The following GALNTL6 variants were observed in gnomAD, a reference collection of about 807,000 sequenced individuals.
The protein encoded by GALNTL6 is polypeptide N-acetylgalactosaminyltransferase-like 6.
In GALNTL6, 46 loss-of-function variants were observed where a neutral mutation model predicts 73.7. That is an observed-to-expected ratio of 0.62 (90% CI 0.49 to 0.80). The LOEUF is 0.80. Among genes scored for constraint, GALNTL6 ranks in the 30% least tolerant of loss-of-function variants. GALNTL6 has a pLI of 0.00. For missense variants in GALNTL6, 604 were observed against 755.0 expected (o/e 0.80, Z 2.34); for synonymous variants, 259 against 263.7 (o/e 0.98, Z 0.17).
intron 5 of GALNTL6, among the ~76,000 whole-genome samples, chr4:172,355,138 T>C (rs1243178284): frequency 6.6e-6 from 1 of 152,094 alleles, no homozygotes; most frequent in African/African-American, 2.4e-5. Context: ...ATGAGGGCAT[T>C]GGTAGTCAGA....
intron 9 of GALNTL6, among the ~76,000 whole-genome samples, chr4:172,939,668 C>T (rs374635534): frequency 6.8e-4 from 103 of 152,288 alleles, no homozygotes; most frequent in African/African-American, 1.9e-3. Flanking sequence ...TGTGATGTAA[C>T]GTCACCTCAC....
chr4:172,233,117 C>G (rs1474434998), intron 3 of GALNTL6, among the ~76,000 whole-genome samples: 3 of 151,476 alleles, frequency 2.0e-5, no homozygotes, highest in African/African-American at 7.3e-5. Flanking sequence ...ATCTGCAATC[C>G]CAGCACACCG....
intron 5 of GALNTL6, among the ~76,000 whole-genome samples, chr4:172,619,947 A>G (rs1202836694): frequency 6.6e-6 from 1 of 152,224 alleles, no homozygotes; most frequent in African/African-American, 2.4e-5. Context: ...AATTATTATT[A>G]CTTTCCAAGA....
At chr4:172,323,927 C>A (rs962395329) in intron 4 of GALNTL6, among the ~76,000 whole-genome samples, 1 of 152,010 alleles carries the variant, frequency 6.6e-6, no homozygotes, top group Non-Finnish European at 1.5e-5. Context: ...TCCACACAGA[C>A]CCTAATAAAA....
intron 5 of GALNTL6, among the ~76,000 whole-genome samples, chr4:172,519,653 G>A (rs1734714972): frequency 6.6e-6 from 1 of 151,674 alleles, no homozygotes; most frequent in African/African-American, 2.4e-5. Context: ...TAGGATAGCA[G>A]TATTTAAAGT....
chr4:172,576,598 CTTATCTG>C (rs1331725783), intron 5 of GALNTL6, among the ~76,000 whole-genome samples: 2 of 152,072 alleles, frequency 1.3e-5, no homozygotes, highest in African/African-American at 4.8e-5. Flanking sequence ...TTGTAGCCTT[CTTATCTG>C]TAAAAGGTGA....
At chr4:172,172,812 G>T (rs1734875037) in intron 2 of GALNTL6, among the ~76,000 whole-genome samples, 1 of 152,194 alleles carries the variant, frequency 6.6e-6, no homozygotes, top group Non-Finnish European at 1.5e-5. Context: ...CCCTGTCTGA[G>T]TACCCATTTA....
intron 5 of GALNTL6, among the ~76,000 whole-genome samples, chr4:172,368,667 T>C (rs1217583777): frequency 6.6e-6 from 1 of 152,048 alleles, no homozygotes; most frequent in East Asian, 1.9e-4. Context: ...TTGCAGTGAG[T>C]GTTACAGTTC....
At chr4:172,997,405 G>A (rs946738366) in intron 10 of GALNTL6, among the ~76,000 whole-genome samples, 4 of 152,100 alleles carry the variant, frequency 2.6e-5, no homozygotes, top group African/African-American at 7.2e-5. Context: ...AACACAGCAT[G>A]GCGAGAGTGC....
chr4:171,919,856 T>C (rs1369386350), intron 2 of GALNTL6, among the ~76,000 whole-genome samples: 2 of 152,088 alleles, frequency 1.3e-5, no homozygotes, highest in Non-Finnish European at 1.5e-5. Flanking sequence ...TGGCAATTCC[T>C]CAGGGATCTA....
At chr4:171,893,167 A>G (rs1431768299) in intron 2 of GALNTL6, among the ~76,000 whole-genome samples, 1 of 152,232 alleles carries the variant, frequency 6.6e-6, no homozygotes, top group South Asian at 2.1e-4. Context: ...AGAAATTCAA[A>G]TGTGTTTGAC....
chr4:172,619,277 G>T (rs1461820276), intron 5 of GALNTL6, among the ~76,000 whole-genome samples: 1 of 152,026 alleles, frequency 6.6e-6, no homozygotes, highest in Non-Finnish European at 1.5e-5. Flanking sequence ...AGCCAATCAC[G>T]TCTCTCCACT....
rs76831362 is a variant in GALNTL6, at chr4:171,861,179, C to T, written c.138+46461C>T. Among the ~76,000 whole-genome samples the T allele has an allele frequency of 2.7e-3, 406 of 152,264 alleles. 8 individuals are homozygous for T. The East Asian group carries it at 0.039, about 15-fold the overall frequency. On this transcript the variant is annotated intron_variant, in intron 2 of 12. Transcript: ENST00000506823. Reference sequence around the variant, plus strand: ...GCTCCATGTCTCATTCACTGAAAGGCGCCCCAGATAGGAAGCCAGTATGAA... The same window carrying T: ...GCTCCATGTCTCATTCACTGAAAGGTGCCCCAGATAGGAAGCCAGTATGAA...
chr4:172,522,671 C>G (rs1008097051), intron 5 of GALNTL6, among the ~76,000 whole-genome samples: 2 of 62,544 alleles, frequency 3.2e-5, no homozygotes, highest in Admixed American at 1.7e-4. Context: ...TCAGTCCCCC[C>G]CCCCCCCAAA....
In GALNTL6 at chr4:172,077,541, A is replaced by C. The variant is rs577291785; in HGVS notation, c.139-152115A>C. Among the ~76,000 whole-genome samples, 113 of 152,286 alleles carry C rather than the reference A, an allele frequency of 7.4e-4. 1 individual carries two copies. Among genetic ancestry groups the C allele is most frequent in the African/African-American group, 2.6e-3 (107 of 41,558 alleles). On this transcript the variant is annotated intron_variant, in intron 2 of 12. Coordinates refer to ENST00000506823, the MANE Select transcript of GALNTL6 (RefSeq NM_001034845.3). ...GAGATGATTTAGGGTATTTAACAGA[A>C]GAAATTTCTAAGCAGCAAAGCATTC...
intron 2 of GALNTL6, among the ~76,000 whole-genome samples, chr4:172,135,078 G>T (rs1437378157): frequency 6.6e-6 from 1 of 152,076 alleles, no homozygotes; most frequent in East Asian, 1.9e-4. Flanking sequence ...ACCATCCATT[G>T]CTTCTTAGCA....
At chr4:172,939,037 C>T (rs988573605) in intron 9 of GALNTL6, among the ~76,000 whole-genome samples, 1 of 152,194 alleles carries the variant, frequency 6.6e-6, no homozygotes, top group Non-Finnish European at 1.5e-5. Context: ...GGCATAGTGG[C>T]TCATGCCTGT....
intron 7 of GALNTL6, among the ~76,000 whole-genome samples, chr4:172,820,778 T>G (rs1008192624): frequency 6.6e-6 from 1 of 152,186 alleles, no homozygotes; most frequent in South Asian, 2.1e-4. Flanking sequence ...ATCTTCCTCC[T>G]TTTCTCCTCA....
chr4:172,773,653 A>C (rs1164395653), intron 5 of GALNTL6, among the ~76,000 whole-genome samples: 1 of 151,836 alleles, frequency 6.6e-6, no homozygotes, highest in African/African-American at 2.4e-5. Context: ...GGCACTTTAC[A>C]TATATAAATG....
Sources: gnomAD v4.1 joint callset for allele counts (sites outside exome capture counted in the v4.1 genomes callset) on GRCh38, gnomAD v4.1.1 for gene constraint, MANE v1.5 for transcripts, NCBI Gene and HGNC (gene_info 2026-07-23, HGNC 2026-07-21) for gene names.